FRMD4A: variants seen among roughly 807,000 people sequenced by gnomAD.
FRMD4A encodes FERM domain-containing protein 4A.
A neutral mutation model predicts 129.1 loss-of-function variants in FRMD4A; 29 were observed. The ratio of observed to expected loss-of-function variants is 0.22; its 90% confidence interval spans 0.17 to 0.31. The LOEUF is 0.31. Among genes scored for constraint, FRMD4A ranks in the 10% least tolerant of loss-of-function variants. The probability of loss-of-function intolerance (pLI) is 1.00; values close to 1 mark genes in which losing one functional copy is unlikely to be tolerated. For missense variants in FRMD4A, 1,272 were observed against 1,375.8 expected (o/e 0.92, Z 1.19); for synonymous variants, 634 against 571.6 (o/e 1.11, Z -1.56).
intron 2 of FRMD4A, among the ~76,000 whole-genome samples, chr10:14,318,879 C>G (rs1353597488): frequency 6.6e-6 from 1 of 152,096 alleles, no homozygotes; most frequent in Non-Finnish European, 1.5e-5. Context: ...TTGTTTGTAA[C>G]CAAGGAAATG....
intron 2 of FRMD4A, among the ~76,000 whole-genome samples, chr10:13,900,299 CCA>C (rs2131190769): frequency 6.6e-6 from 1 of 152,168 alleles, no homozygotes; most frequent in Admixed American, 6.5e-5. Context: ...TTTGAAATAA[CCA>C]AGTTTTATAG....
chr10:13,875,089 A>C (rs2094475454), intron 2 of FRMD4A, among the ~76,000 whole-genome samples: 1 of 152,200 alleles, frequency 6.6e-6, no homozygotes, highest in African/African-American at 2.4e-5. Context: ...GAAATGGGAG[A>C]GAACATAGAA....
At chr10:13,814,580 C>CAAAAAAAAAAAAAAAAAAAA (rs553044764) in intron 3 of FRMD4A, among the ~76,000 whole-genome samples, 2 of 41,390 alleles carry the variant, frequency 4.8e-5, no homozygotes, top group African/African-American at 1.8e-4. Context: ...GACCCTGTTT[C>CAAAAAAAAAAAAAAAAAAAA]AAAAAAAAAA....
At chr10:13,922,265 G>C (rs1565043871) in intron 2 of FRMD4A, among the ~76,000 whole-genome samples, 1 of 150,880 alleles carries the variant, frequency 6.6e-6, no homozygotes, top group African/African-American at 2.4e-5. Context: ...CAATTCATCT[G>C]TCTATCCCTT....
At chr10:14,022,719 A>C (rs898042111) in intron 2 of FRMD4A, among the ~76,000 whole-genome samples, 1 of 152,056 alleles carries the variant, frequency 6.6e-6, no homozygotes, top group East Asian at 1.9e-4. Context: ...TCAAAGATGC[A>C]CACTGGGGCT....
At position 14,048,812 on chromosome 10, in the gene FRMD4A, A is replaced by G. The variant is rs115239809; in HGVS notation, c.46-189900T>C. On this transcript the variant is annotated intron_variant, in intron 2 of 24. Coordinates refer to ENST00000357447, the MANE Select transcript of FRMD4A (RefSeq NM_018027.5). ...CAGAGCGAGACTCTTGTCTCAAATAAAATAGAATAGATTAGAATAGAATAG... is the reference window on the plus strand; with the variant it reads ...CAGAGCGAGACTCTTGTCTCAAATAGAATAGAATAGATTAGAATAGAATAG... Among the ~76,000 whole-genome samples the G allele has an allele frequency of 4.7e-3, 633 of 134,418 alleles. 6 individuals are homozygous for G. The highest frequency in any genetic ancestry group is 6.7e-3 in the African/African-American group (210 of 31,200). The allele number at this position is 134,418 out of a possible 152,430, so 88.2% of individuals were successfully genotyped here.
At chr10:13,959,831 T>C in intron 2 of FRMD4A, among the ~76,000 whole-genome samples, 1 of 152,186 alleles carries the variant, frequency 6.6e-6, no homozygotes, top group East Asian at 1.9e-4. Context: ...CAGGGCTGAG[T>C]ATCAACAGGC....
intron 2 of FRMD4A, among the ~76,000 whole-genome samples, chr10:13,967,774 A>G (rs1245642048): frequency 6.6e-6 from 1 of 152,244 alleles, no homozygotes; most frequent in Non-Finnish European, 1.5e-5. Context: ...GGCTGAGCGC[A>G]GTGGTTCACA....
intron 2 of FRMD4A, among the ~76,000 whole-genome samples, chr10:13,985,284 C>G (rs1180036691): frequency 6.6e-6 from 1 of 152,220 alleles, no homozygotes; most frequent in East Asian, 1.9e-4. Context: ...CTGATCTGCT[C>G]ACTGGGACCC....
At chr10:14,202,397 T>C (rs1464660012) in intron 2 of FRMD4A, among the ~76,000 whole-genome samples, 2 of 152,150 alleles carry the variant, frequency 1.3e-5, no homozygotes, top group Non-Finnish European at 2.9e-5. Flanking sequence ...GTTATTTATT[T>C]ATTTACTTAT....
rs962281051 is a variant in FRMD4A at position 13,700,828 on chromosome 10, T to C, written c.975+512A>G. On this transcript the variant is annotated intron_variant, in intron 14 of 24. Transcript: ENST00000357447. ...GGGAAACAGGGTAGTTGCTTTTTTT[T>C]TTTTTTTTTTTTTTTTTAACGTTTC... Among the ~76,000 whole-genome samples, 399 of 93,204 alleles carry C rather than the reference T, an allele frequency of 4.3e-3. 1 individual carries two copies. Among genetic ancestry groups the C allele is most frequent in the African/African-American group, 0.016 (361 of 22,666 alleles). 61.1% of individuals were successfully genotyped at this position (93,204 alleles called of 152,430 possible). A position where few individuals can be genotyped will look rare whatever the true frequency, so the allele number is the denominator to read the frequency against.
At chr10:13,840,705 T>G (rs1477347212) in intron 3 of FRMD4A, among the ~76,000 whole-genome samples, 1 of 147,394 alleles carries the variant, frequency 6.8e-6, no homozygotes, top group Non-Finnish European at 1.5e-5. Context: ...TGAGAATCGC[T>G]TGAACCCAGG....
chr10:13,820,290 T>C (rs1042249919), intron 3 of FRMD4A, among the ~76,000 whole-genome samples: 4 of 152,108 alleles, frequency 2.6e-5, no homozygotes, highest in African/African-American at 9.7e-5. Flanking sequence ...TCCGTGTAAT[T>C]GAAGGGAACT....
intron 2 of FRMD4A, among the ~76,000 whole-genome samples, chr10:14,031,873 A>AT (rs59983120): frequency 2.8e-4 from 42 of 148,504 alleles, no homozygotes; most frequent in South Asian, 8.5e-4. Context: ...TCTGACTTAG[A>AT]TTTTTTTTTT....
At chr10:13,689,549 C>CTTTTTT (rs34800095) in intron 15 of FRMD4A, among the ~76,000 whole-genome samples, 3,118 of 128,554 alleles carry the variant, frequency 0.024, 181 homozygotes, top group African/African-American at 0.091. Flanking sequence ...TTAGAAGATT[C>CTTTTTT]TTTTTTTTTT....
At chr10:14,204,140 T>C (rs985982796) in intron 2 of FRMD4A, among the ~76,000 whole-genome samples, 11 of 152,260 alleles carry the variant, frequency 7.2e-5, no homozygotes, top group African/African-American at 2.6e-4. Context: ...GGTATCACTA[T>C]AGGCTGGGTG....
intron 2 of FRMD4A, among the ~76,000 whole-genome samples, chr10:14,291,985 G>A (rs1022517987): frequency 1.7e-4 from 26 of 151,918 alleles, no homozygotes; most frequent in African/African-American, 6.0e-4. Context: ...TATTTCTTAG[G>A]AATAAATCTA....
intron 3 of FRMD4A, among the ~76,000 whole-genome samples, chr10:13,844,822 A>G (rs1311846676): frequency 6.6e-6 from 1 of 152,208 alleles, no homozygotes; most frequent in Non-Finnish European, 1.5e-5. Flanking sequence ...ATGCCTCTAA[A>G]CATGTGTCCC....
intron 2 of FRMD4A, among the ~76,000 whole-genome samples, chr10:13,873,001 C>G (rs746452573): frequency 6.6e-6 from 1 of 151,842 alleles, no homozygotes; most frequent in South Asian, 2.1e-4. Flanking sequence ...CACGGTGAAA[C>G]GTCATCTCTA....
Sources: allele counts gnomAD v4.1 joint callset (sites outside exome capture counted in the v4.1 genomes callset), GRCh38; gene constraint gnomAD v4.1.1; transcripts MANE v1.5; gene names NCBI Gene and HGNC (gene_info 2026-07-23, HGNC 2026-07-21).